SPMIP6: variants seen among roughly 807,000 people sequenced by gnomAD.
The protein encoded by SPMIP6 is sperm microtubule inner protein 6.
chr9:34,379,501 C>G, the SPMIP6 span: 4 of 776,840 alleles, frequency 5.1e-6, no homozygotes, highest in Non-Finnish European at 9.0e-6. This position sits in a 1 kb window ranked among gnomAD's most constrained non-coding sequence, Gnocchi z 4.2. Flanking sequence ...TTGACTGCTC[C>G]ATGCCACTAG....
At chr9:34,393,462 T>G in the SPMIP6 span, among the ~76,000 whole-genome samples, 1 of 152,208 alleles carries the variant, frequency 6.6e-6, no homozygotes, top group East Asian at 1.9e-4. Flanking sequence ...GTAAATGTCT[T>G]ATCTTTCCTT....
the SPMIP6 span, chr9:34,383,014 C>A: frequency 3.1e-6 from 2 of 648,622 alleles, no homozygotes; most frequent in Non-Finnish European, 2.8e-6. Flanking sequence ...CAAGCCCAGC[C>A]GGGCCTACAC....
chr9:34,397,391 TA>T, the SPMIP6 span: 1 of 1,264,184 alleles, frequency 7.9e-7, no homozygotes, highest in Non-Finnish European at 1.2e-6. Flanking sequence ...GGTAAATGAA[TA>T]AAACACACAC....
At chr9:34,380,895 A>G in the SPMIP6 span, 1 of 1,551,334 alleles carries the variant, frequency 6.4e-7, no homozygotes, top group Non-Finnish European at 8.7e-7. Context: ...AGCCCTGCGA[A>G]CCTTACAGTC....
the SPMIP6 span, among the ~76,000 whole-genome samples, chr9:34,384,932 A>C: frequency 2.6e-5 from 4 of 151,924 alleles, no homozygotes. Context: ...TGAGGGAAAG[A>C]GGTGTGGTGG....
chr9:34,386,679 C>A, the SPMIP6 span, among the ~76,000 whole-genome samples: 1 of 152,164 alleles, frequency 6.6e-6, no homozygotes, highest in African/African-American at 2.4e-5. Flanking sequence ...GCCTTTGACC[C>A]TGACCTTCAA....
chr9:34,390,910 C>T, the SPMIP6 span, among the ~76,000 whole-genome samples: 1 of 152,214 alleles, frequency 6.6e-6, no homozygotes. Context: ...GTGTGAGCCA[C>T]TGCACCTGGC....
the SPMIP6 span, among the ~76,000 whole-genome samples, chr9:34,383,189 A>G: frequency 6.6e-6 from 1 of 151,884 alleles, no homozygotes; most frequent in East Asian, 1.9e-4. Flanking sequence ...CTCATCTTCT[A>G]CTCTAGGCTC....
the SPMIP6 span, chr9:34,379,902 A>C: frequency 3.5e-6 from 2 of 566,522 alleles, no homozygotes; most frequent in East Asian, 3.0e-5. The surrounding 1 kb of genome is among the most constrained non-coding windows in gnomAD (Gnocchi z 4.2). Context: ...CGATTCGGGA[A>C]CCCCCCTTGG....
the SPMIP6 span, chr9:34,385,816 C>T: frequency 6.3e-7 from 1 of 1,597,880 alleles, no homozygotes; most frequent in Non-Finnish European, 8.5e-7. Flanking sequence ...TGGTTAGGGG[C>T]ACAGAGACCC....
chr9:34,393,858 A>C, the SPMIP6 span, among the ~76,000 whole-genome samples: 2 of 152,080 alleles, frequency 1.3e-5, no homozygotes, highest in Non-Finnish European at 2.9e-5. Flanking sequence ...TCTACTCTTT[A>C]ATCCATCTGC....
At chr9:34,394,642 C>T in the SPMIP6 span, among the ~76,000 whole-genome samples, 9 of 151,876 alleles carry the variant, frequency 5.9e-5, no homozygotes, top group Admixed American at 1.3e-4. Flanking sequence ...GGATGTTTAC[C>T]GCCATTGAAG....
At chr9:34,396,586 T>C in the SPMIP6 span, among the ~76,000 whole-genome samples, 1 of 152,142 alleles carries the variant, frequency 6.6e-6, no homozygotes, top group Non-Finnish European at 1.5e-5. Flanking sequence ...GTCTGCAGAC[T>C]CCTCTCTCAC....
the SPMIP6 span, chr9:34,385,901 C>G: frequency 5.9e-5 from 54 of 917,434 alleles, no homozygotes; most frequent in South Asian, 7.5e-4. Flanking sequence ...CCCAACCCCC[C>G]TCCCCATGTC....
chr9:34,388,808 T>A, the SPMIP6 span, among the ~76,000 whole-genome samples: 9 of 152,218 alleles, frequency 5.9e-5, no homozygotes, highest in South Asian at 6.2e-4. Context: ...AGAATTATAA[T>A]TCTTTATATA....
chr9:34,381,334 C>T, the SPMIP6 span: 2 of 1,613,808 alleles, frequency 1.2e-6, no homozygotes, highest in South Asian at 2.2e-5. The surrounding 1 kb of genome is among the most constrained non-coding windows in gnomAD (Gnocchi z 4.4). Flanking sequence ...ACCCTCTCCA[C>T]CCGTTCTTTC....
the SPMIP6 span, chr9:34,380,819 G>A: frequency 9.9e-6 from 15 of 1,522,370 alleles, no homozygotes; most frequent in Middle Eastern, 2.1e-4. Flanking sequence ...GAAGCTGGCC[G>A]GGCTGGAAGG....
chr9:34,380,901 C>G, the SPMIP6 span: 16 of 1,568,340 alleles, frequency 1.0e-5, no homozygotes, highest in African/African-American at 4.0e-5. Context: ...GCGAACCTTA[C>G]AGTCGGTTGC....
chr9:34,393,851 ACT>A, the SPMIP6 span, among the ~76,000 whole-genome samples: 1 of 151,324 alleles, frequency 6.6e-6, no homozygotes, highest in African/African-American at 2.4e-5. Flanking sequence ...TGTTGACTCT[ACT>A]CTTTAATCCA....
Sources: allele counts gnomAD v4.1 joint callset (sites outside exome capture counted in the v4.1 genomes callset), GRCh38; gene constraint gnomAD v4.1.1; non-coding constraint Gnocchi (gnomAD v3.1); transcripts MANE v1.5; gene names NCBI Gene and HGNC (gene_info 2026-07-23, HGNC 2026-07-21).